The following PDXDC1 variants were observed in gnomAD, a reference collection of about 807,000 sequenced individuals.
PDXDC1 encodes the protein pyridoxal dependent decarboxylase domain containing 1.
In PDXDC1, 42 loss-of-function variants were observed where a neutral mutation model predicts 100.1. The ratio of observed to expected loss-of-function variants is 0.42; its 90% CI spans 0.33 to 0.54. The LOEUF (loss-of-function observed/expected upper bound fraction) is 0.54, where lower values mean the gene tolerates loss of function less well. PDXDC1 is among the 20% of genes least tolerant of loss of function. The pLI is 0.10. For missense variants in PDXDC1, 636 were observed against 979.2 expected, an observed-to-expected ratio of 0.65 and a Z score of 4.68; for synonymous variants, 260 against 371.7, an observed-to-expected ratio of 0.70 and a Z score of 3.46.
chr16:15,008,420 C>G lies in PDXDC1; in HGVS notation c.580-359C>G, dbSNP rs529402366. On this transcript the variant is annotated intron_variant, in intron 6 of 22. Transcript: ENST00000396410. The stretch of plus-strand genomic sequence containing the variant: ...AATGCCTTTAGCTGGTGTTATTTAC[C>G]AGTAATGCTTGGAGAAAGAATCCAA... Among the ~76,000 whole-genome samples the G allele has an allele frequency of 6.4e-3, 979 of 152,344 alleles. 16 individuals carry two copies. Among genetic ancestry groups the G allele is most frequent in the Non-Finnish European group, 8.0e-3 (544 of 68,016 alleles).
chr16:14,992,960 T>C (rs1288583071), intron 1 of PDXDC1, among the ~76,000 whole-genome samples: 1 of 152,198 alleles, frequency 6.6e-6, no homozygotes, highest in Non-Finnish European at 1.5e-5. Context: ...CAAGCGATCC[T>C]CCTACCTCTG....
intron 16 of PDXDC1, among the ~76,000 whole-genome samples, chr16:15,136,318 C>T (rs534927625): frequency 2.6e-5 from 4 of 152,264 alleles, no homozygotes; most frequent in East Asian, 3.9e-4. Context: ...CTGTGGGCAC[C>T]GGCAGGGATC....
chr16:15,073,321 T>C (rs2045317007), intron 16 of PDXDC1, among the ~76,000 whole-genome samples: 1 of 152,076 alleles, frequency 6.6e-6, no homozygotes, highest in African/African-American at 2.4e-5. Flanking sequence ...TAGCCAGGCA[T>C]GGTGGCACGC....
At chr16:15,022,434 T>A (rs1246658522) in intron 12 of PDXDC1, among the ~76,000 whole-genome samples, 5 of 152,300 alleles carry the variant, frequency 3.3e-5, no homozygotes, top group African/African-American at 1.2e-4. Flanking sequence ...ACTCAGTAGC[T>A]TTTGAATGAC....
At chr16:15,059,824 C>T (rs2044646670) in intron 16 of PDXDC1, among the ~76,000 whole-genome samples, 1 of 152,120 alleles carries the variant, frequency 6.6e-6, no homozygotes, top group East Asian at 1.9e-4. Flanking sequence ...TCACTCTTTG[C>T]TGGGTGTGAT....
chr16:14,996,021 TA>T (rs1971880475), intron 1 of PDXDC1, among the ~76,000 whole-genome samples: 1 of 152,294 alleles, frequency 6.6e-6, no homozygotes, highest in South Asian at 2.1e-4. Context: ...TTTTTACAAA[TA>T]AAAACTTTAC....
chr16:14,979,100 A>G (rs1357990133), intron 1 of PDXDC1, among the ~76,000 whole-genome samples: 4 of 152,302 alleles, frequency 2.6e-5, no homozygotes, highest in Admixed American at 1.3e-4. Flanking sequence ...TTTGGTCACC[A>G]CTAGCCATAT....
chr16:15,090,775 A>T (rs2046097754), intron 16 of PDXDC1, among the ~76,000 whole-genome samples: 2 of 152,228 alleles, frequency 1.3e-5, no homozygotes, highest in African/African-American at 4.8e-5. Flanking sequence ...ATTCTCTTCA[A>T]AACTGGGCAG....
intron 16 of PDXDC1, chr16:15,110,588 T>A: frequency 6.3e-7 from 1 of 1,583,972 alleles, no homozygotes. Context: ...TTTCTTTGTG[T>A]GCATACAAAT....
At chr16:15,122,190 C>G in intron 16 of PDXDC1, among the ~76,000 whole-genome samples, 1 of 151,918 alleles carries the variant, frequency 6.6e-6, no homozygotes, top group Non-Finnish European at 1.5e-5. Context: ...ACAAAAAAGT[C>G]ATCAAACCAG....
chr16:15,097,958 T>TC (rs2046415686), intron 16 of PDXDC1, among the ~76,000 whole-genome samples: 1 of 146,664 alleles, frequency 6.8e-6, no homozygotes, highest in South Asian at 2.2e-4. Flanking sequence ...TTTTTTTTTT[T>TC]TGAGACGGAG....
the PDXDC1 span, among the ~76,000 whole-genome samples, chr16:15,147,163 G>A: frequency 7.1e-6 from 1 of 141,444 alleles, no homozygotes; most frequent in Non-Finnish European, 1.5e-5. Flanking sequence ...CTGGCAGGGA[G>A]GGAGAGGTGG....
At chr16:15,135,837 G>A (rs1390318823) in intron 16 of PDXDC1, 21 of 1,475,526 alleles carry the variant, frequency 1.4e-5, no homozygotes, top group East Asian at 2.2e-5. Flanking sequence ...TGGATGCTCC[G>A]TGCCAGTGGC....
chr16:14,975,092 G>C lies in PDXDC1; in HGVS notation c.-108G>C, dbSNP rs1321925444. On this transcript the variant is annotated 5_prime_UTR_variant, in exon 1 of 23. Coordinates refer to ENST00000396410, the MANE Select transcript of PDXDC1 (RefSeq NM_015027.4). ...AGCTCCTCCTCTTCTCCGCCCCGCC[G>C]GCCGCGGGCGCGGGGGACGTCAGCG... 13 of 1,469,720 alleles carry C rather than the reference G, an allele frequency of 8.8e-6. No homozygotes were observed. The highest frequency in any genetic ancestry group is 1.1e-5 in the Non-Finnish European group (12 of 1,121,836). 91.0% of individuals were successfully genotyped at this position (1,469,720 alleles called of 1,614,324 possible).
chr16:15,061,991 G>A (rs1597860036), intron 16 of PDXDC1: 3 of 1,319,350 alleles, frequency 2.3e-6, no homozygotes, highest in African/African-American at 1.5e-5. Flanking sequence ...AGGTGTTAAC[G>A]TTTGTAAAGA....
chr16:15,060,179 T>A (rs1310630510), intron 16 of PDXDC1: 1 of 423,042 alleles, frequency 2.4e-6, no homozygotes, highest in African/African-American at 2.0e-5. Context: ...TAAAACTACT[T>A]CCCAACCCAC....
At chr16:14,976,731 C>T (rs1966854376) in intron 1 of PDXDC1, 1 of 152,366 alleles carries the variant, frequency 6.6e-6, no homozygotes, top group African/African-American at 2.4e-5. Context: ...GGGTAGAGGC[C>T]AGGGACGCCT....
chr16:15,063,332 A>C (rs1249082827), intron 16 of PDXDC1: 8 of 1,413,006 alleles, frequency 5.7e-6, no homozygotes, highest in Admixed American at 5.0e-5. Flanking sequence ...CTTCGGCAGA[A>C]GTCAAAATTG....
At chr16:15,047,507 G>A (rs1163191549) in intron 16 of PDXDC1, 2 of 1,613,918 alleles carry the variant, frequency 1.2e-6, no homozygotes, top group Non-Finnish European at 8.5e-7. Context: ...CCTCAGCTTT[G>A]GTGTCGGTTC....
Sources: allele counts gnomAD v4.1 joint callset (sites outside exome capture counted in the v4.1 genomes callset), GRCh38; gene constraint gnomAD v4.1.1; transcripts MANE v1.5; gene names NCBI Gene and HGNC (gene_info 2026-07-23, HGNC 2026-07-21).